The following ADAM10 variants were observed in gnomAD, a reference collection of about 807,000 sequenced individuals.
The protein encoded by ADAM10 is disintegrin and metalloproteinase domain-containing protein 10.
Under a neutral mutation model 90.1 loss-of-function variants are expected in ADAM10, and 17 were observed. The observed-to-expected ratio is 0.19, with a 90% confidence interval of 0.13 to 0.28. The LOEUF is 0.28. ADAM10 is among the 10% of genes least tolerant of loss of function. The probability of loss-of-function intolerance (pLI) is 1.00; values close to 1 mark genes in which losing one functional copy is unlikely to be tolerated. For missense variants in ADAM10, 610 were observed against 914.3 expected, an observed-to-expected ratio of 0.67 and a Z score of 4.29; for synonymous variants, 310 against 298.6, an observed-to-expected ratio of 1.04 and a Z score of -0.40.
intron 5 of ADAM10, among the ~76,000 whole-genome samples, chr15:58,659,874 G>A (rs541190033): frequency 8.5e-5 from 13 of 152,190 alleles, no homozygotes; most frequent in South Asian, 8.3e-4. Context: ...GACTACAGGC[G>A]TCCGCCACCA....
At chr15:58,733,493 C>T (rs1899324997) in intron 1 of ADAM10, among the ~76,000 whole-genome samples, 1 of 152,128 alleles carries the variant, frequency 6.6e-6, no homozygotes, top group South Asian at 2.1e-4. Context: ...CCTCATTCTA[C>T]CCTGATTTGT....
intron 2 of ADAM10, among the ~76,000 whole-genome samples, chr15:58,713,257 A>C (rs1161521121): frequency 6.6e-6 from 1 of 152,018 alleles, no homozygotes; most frequent in Non-Finnish European, 1.5e-5. Context: ...ATGCACCACC[A>C]CACTTTGCTA....
intron 1 of ADAM10, among the ~76,000 whole-genome samples, chr15:58,734,823 AAAG>A (rs1412549518): frequency 6.6e-6 from 1 of 152,232 alleles, no homozygotes; most frequent in African/African-American, 2.4e-5. Context: ...ATGCAATACT[AAAG>A]AAGAATATAC....
chr15:58,691,527 G>C lies in ADAM10; in HGVS notation c.207-9213C>G, dbSNP rs774705103. 15 of 563,076 alleles carry C rather than the reference G, an allele frequency of 2.7e-5. No individual in the cohort carries two copies. In the African/African-American group the frequency reaches 2.8e-4, roughly 10 times the overall value. The allele number at this position is 563,076 out of a possible 1,614,324, so 34.9% of individuals were successfully genotyped here. A position where few individuals can be genotyped will look rare whatever the true frequency, so the allele number is the denominator to read the frequency against. ...CTCATCTCCAGACTGGAAGGTGTGA[G>C]ACCACAGCAGTTCAGACAGGTGTCG... On this transcript the variant is annotated intron_variant, in intron 2 of 15. Transcript: ENST00000260408.
chr15:58,693,448 T>C (rs994760837), intron 2 of ADAM10, among the ~76,000 whole-genome samples: 7 of 152,160 alleles, frequency 4.6e-5, no homozygotes, highest in Admixed American at 6.5e-5. Flanking sequence ...TAAGAATATA[T>C]AAATAGGTCT....
At chr15:58,699,762 T>G (rs1241886035) in intron 2 of ADAM10, among the ~76,000 whole-genome samples, 20 of 152,054 alleles carry the variant, frequency 1.3e-4, no homozygotes, top group African/African-American at 3.9e-4. Context: ...AGCAACACAG[T>G]GAGAGCCCAT....
At chr15:58,665,456 C>T (rs1426424852) in intron 4 of ADAM10, among the ~76,000 whole-genome samples, 1 of 151,966 alleles carries the variant, frequency 6.6e-6, no homozygotes, top group Non-Finnish European at 1.5e-5. Flanking sequence ...GGGCAATAAC[C>T]ACTCATTATT....
At chr15:58,721,943 G>A (rs971423722) in intron 1 of ADAM10, among the ~76,000 whole-genome samples, 12 of 151,706 alleles carry the variant, frequency 7.9e-5, no homozygotes, top group African/African-American at 2.7e-4. Flanking sequence ...CAGGAGAATC[G>A]TTTGAACCCG....
At chr15:58,704,595 G>A (rs556326552) in intron 2 of ADAM10, among the ~76,000 whole-genome samples, 4 of 152,250 alleles carry the variant, frequency 2.6e-5, no homozygotes, top group African/African-American at 7.2e-5. Context: ...ATTCCAAAAA[G>A]CTGGGGTATA....
chr15:58,599,498 G>T, intron 15 of ADAM10, 100 bp downstream of exon 15: 1 of 1,355,916 alleles, frequency 7.4e-7, no homozygotes, highest in Non-Finnish European at 1.0e-6. Context: ...TACGGAGAAA[G>T]TACTGTAACA....
At chr15:58,676,764 G>A (rs1299156447) in intron 4 of ADAM10, among the ~76,000 whole-genome samples, 1 of 151,960 alleles carries the variant, frequency 6.6e-6, no homozygotes, top group Non-Finnish European at 1.5e-5. Context: ...CTGTAGTGAG[G>A]TATGATCACA....
At chr15:58,747,307 G>C (rs1899824194) in intron 1 of ADAM10, 1 of 152,154 alleles carries the variant, frequency 6.6e-6, no homozygotes, top group Non-Finnish European at 1.5e-5. Flanking sequence ...GTAATATACA[G>C]AGCAAGAAAA....
chr15:58,665,778 G>T (rs1291770511), intron 4 of ADAM10, among the ~76,000 whole-genome samples: 2 of 151,858 alleles, frequency 1.3e-5, no homozygotes, highest in Admixed American at 1.3e-4. Context: ...ACAGGCATTT[G>T]TTGTCACCCA....
At chr15:58,635,322 T>C (rs1241833346) in intron 8 of ADAM10, among the ~76,000 whole-genome samples, 4 of 143,336 alleles carry the variant, frequency 2.8e-5, no homozygotes, top group African/African-American at 1.0e-4. Flanking sequence ...ACAAATAACA[T>C]GCCCCACCAT....
chr15:58,641,016 G>A, intron 7 of ADAM10, 56 bp from the exon 8 acceptor site: 2 of 1,485,850 alleles, frequency 1.3e-6, no homozygotes, highest in South Asian at 1.1e-5. Flanking sequence ...GCTTTAGTGT[G>A]AATGTCTGCT....
chr15:58,592,543 C>T lies in ADAM10; in HGVS notation c.*5004G>A, dbSNP rs906301750. ...GTTCTTCTTGTACATTTCTTTCTTA[C>T]AGGTGGAATTAGTGATTTATCCAAA... On this transcript the variant is annotated 3_prime_UTR_variant, in exon 16 of 16. Transcript: ENST00000260408. 1 of 152,080 alleles carries T rather than the reference C, an allele frequency of 6.6e-6. No homozygotes were observed. Among genetic ancestry groups the T allele is most frequent in the African/African-American group, 2.4e-5 (1 of 41,398 alleles). 9.4% of individuals were successfully genotyped at this position (152,080 alleles called of 1,614,324 possible).
intron 1 of ADAM10, among the ~76,000 whole-genome samples, chr15:58,734,530 T>C (rs1206755843): frequency 6.6e-6 from 1 of 152,150 alleles, no homozygotes; most frequent in East Asian, 1.9e-4. Flanking sequence ...CAAAACGCCA[T>C]CTCTACAACA....
intron 2 of ADAM10, among the ~76,000 whole-genome samples, chr15:58,714,324 C>CACACA: frequency 6.6e-6 from 1 of 150,486 alleles, no homozygotes; most frequent in South Asian, 2.1e-4. Flanking sequence ...CACACACACA[C>CACACA]ACAGAAGCTG....
intron 1 of ADAM10, among the ~76,000 whole-genome samples, chr15:58,724,969 T>C (rs1157585492): frequency 1.3e-5 from 2 of 151,488 alleles, no homozygotes; most frequent in Non-Finnish European, 2.9e-5. Context: ...GGCGGGTGGA[T>C]TGCTTGAGCC....
Sources: gnomAD v4.1 joint callset for allele counts (sites outside exome capture counted in the v4.1 genomes callset) on GRCh38, gnomAD v4.1.1 for gene constraint, MANE v1.5 for transcripts, NCBI Gene and HGNC (gene_info 2026-07-23, HGNC 2026-07-21) for gene names.